Variants in NOTCH2 observed in about 807,000 individuals in gnomAD.
NOTCH2 encodes the protein notch receptor 2.
In NOTCH2, 29 loss-of-function variants were observed where a neutral mutation model predicts 235.8. The observed-to-expected ratio is 0.12, with a 90% confidence interval of 0.09 to 0.17. The LOEUF is 0.17. NOTCH2 is among the 10% of genes least tolerant of loss of function. NOTCH2 has a pLI of 1.00. For missense variants in NOTCH2, 2,285 were observed against 3,150.2 expected (o/e 0.73, Z 6.57); for synonymous variants, 1,086 against 1,141.5 (o/e 0.95, Z 0.98).
Position 119,969,537 on chromosome 1 carries a change from G to A in NOTCH2, c.1082C>T (p.Ser361Phe), listed in dbSNP as rs1553200129. The stretch of plus-strand genomic sequence containing the variant: ...TGCCTTCCCCTCTGGGCACATGCAA[G>A]AGAAGGAGGCCACACGGTCGATGCA... ...STCIDRVASFSCMCPEGKAGL... is the reference protein window; with the variant it reads ...STCIDRVASFFCMCPEGKAGL... The change falls in exon 6 of 34, where the codon TCT becomes TTT. Residue 361 changes from serine to phenylalanine, a missense_variant. This residue lies in a region of NOTCH2 where 431 missense variants were observed against 757.8 expected (regional missense o/e 0.57). Transcript: ENST00000256646. The A allele has an allele frequency of 3.7e-6, 6 of 1,613,960 alleles. No homozygotes were observed. The highest frequency in any genetic ancestry group is 5.1e-6 in the Non-Finnish European group (6 of 1,179,952).
At chr1:120,066,016 G>C (rs1553217019) in intron 1 of NOTCH2, among the ~76,000 whole-genome samples, 1 of 151,120 alleles carries the variant, frequency 6.6e-6, no homozygotes, top group Admixed American at 6.6e-5. Context: ...TGACATTTAA[G>C]GAAAAAGAGA....
chr1:119,967,398 C>T, intron 8 of NOTCH2, 35 bp downstream of exon 8: 1 of 1,592,578 alleles, frequency 6.3e-7, no homozygotes, highest in Non-Finnish European at 8.6e-7. Flanking sequence ...ACAGTCCCTC[C>T]TCTCTAGACC....
At chr1:120,011,871 C>T (rs1653205781) in intron 2 of NOTCH2, among the ~76,000 whole-genome samples, 1 of 150,762 alleles carries the variant, frequency 6.6e-6, no homozygotes, top group Non-Finnish European at 1.5e-5. Context: ...AAAAAATTAG[C>T]CAGGCGTGGT....
chr1:119,934,602 C>T (rs1264076467), intron 22 of NOTCH2, among the ~76,000 whole-genome samples: 1 of 152,162 alleles, frequency 6.6e-6, no homozygotes, highest in Non-Finnish European at 1.5e-5. Context: ...CTAGGGTACT[C>T]TCCTATTTTA....
chr1:119,919,655 AG>A, intron 30 of NOTCH2, 42 bp from the exon 31 acceptor site: 1 of 1,591,172 alleles, frequency 6.3e-7, no homozygotes, highest in Non-Finnish European at 8.6e-7. Flanking sequence ...AAGAAGGAGA[AG>A]GTAGTTAACC....
At chr1:119,955,302 C>G (rs1020954075) in intron 12 of NOTCH2, 70 bp from the exon 13 acceptor site, 12 of 1,499,986 alleles carry the variant, frequency 8.0e-6, no homozygotes, top group Non-Finnish European at 1.1e-5. Flanking sequence ...CTATAAGACA[C>G]GTTATGTTGA....
At chr1:119,979,496 A>G (rs1651728197) in intron 5 of NOTCH2, among the ~76,000 whole-genome samples, 1 of 152,232 alleles carries the variant, frequency 6.6e-6, no homozygotes, top group Admixed American at 6.5e-5. Context: ...CAACTTGTGT[A>G]TGAAGGCAAC....
rs587658508 is a variant in NOTCH2, at chr1:120,000,671, A to G, written c.416-3339T>C. The stretch of plus-strand genomic sequence containing the variant: ...TAATTATGAAGAAGGCATTACTGTC[A>G]TTTCCACTAGCCAGAATTAAAATAT... On this transcript the variant is annotated intron_variant, in intron 3 of 33. Transcript: ENST00000256646. Among the ~76,000 whole-genome samples, 12 of 149,480 alleles carry G rather than the reference A, an allele frequency of 8.0e-5. No homozygotes were observed. The East Asian group carries it at 2.3e-3, about 29-fold the overall frequency.
At chr1:119,959,986 A>G (rs1226109841) in intron 11 of NOTCH2, among the ~76,000 whole-genome samples, 1 of 152,214 alleles carries the variant, frequency 6.6e-6, no homozygotes, top group Non-Finnish European at 1.5e-5. Flanking sequence ...AAGTATACAT[A>G]AAGCATTTCT....
chr1:120,007,648 G>A (rs1200336692), intron 2 of NOTCH2, among the ~76,000 whole-genome samples: 1 of 151,848 alleles, frequency 6.6e-6, no homozygotes, highest in Non-Finnish European at 1.5e-5. Context: ...CAACGAGATT[G>A]TGCCACTACA....
chr1:119,961,014 G>A (rs1553198928), intron 11 of NOTCH2, among the ~76,000 whole-genome samples: 1 of 152,104 alleles, frequency 6.6e-6, no homozygotes, highest in Non-Finnish European at 1.5e-5. Context: ...AGTTTATTGA[G>A]TTCTATGAGC....
chr1:119,944,924 T>C (rs1460116161), intron 17 of NOTCH2, among the ~76,000 whole-genome samples: 2 of 152,120 alleles, frequency 1.3e-5, no homozygotes, highest in Non-Finnish European at 2.9e-5. Context: ...AACACAAATC[T>C]ACATAAAAGA....
chr1:119,955,075 G>A lies in NOTCH2; in HGVS notation c.2184C>T (p.Pro728=). The change falls in exon 13 of 34, where the codon CCC becomes CCT. Residue 728 remains proline (P), a synonymous_variant. Transcript: ENST00000256646. ...YSQVNECLSN[P]CIHGNCTGGL... Reference sequence around the variant, plus strand: ...CTCCAGTACAGTTTCCATGGATGCAGGGATTGCTCAGGCATTCGTTCACCT... The same window carrying A: ...CTCCAGTACAGTTTCCATGGATGCAAGGATTGCTCAGGCATTCGTTCACCT... The A allele has an allele frequency of 6.2e-7, 1 of 1,614,100 alleles. No individual in the cohort carries two copies. Among genetic ancestry groups the A allele is most frequent in the Non-Finnish European group, 8.5e-7 (1 of 1,179,996 alleles).
chr1:119,951,441 C>T (rs986075121), intron 14 of NOTCH2, among the ~76,000 whole-genome samples: 5 of 152,190 alleles, frequency 3.3e-5, no homozygotes, highest in African/African-American at 9.7e-5. Context: ...TGTGAGCCAT[C>T]GCACCCAGCC....
chr1:119,955,820 G>C (rs1650674810), intron 12 of NOTCH2, among the ~76,000 whole-genome samples: 1 of 152,078 alleles, frequency 6.6e-6, no homozygotes, highest in South Asian at 2.1e-4. Context: ...GTATAATTTT[G>C]TTGTCTTCTG....
chr1:119,979,284 T>C (rs924030613), intron 5 of NOTCH2, among the ~76,000 whole-genome samples: 2 of 152,226 alleles, frequency 1.3e-5, no homozygotes, highest in East Asian at 3.9e-4. Context: ...GAAGACCTAA[T>C]TGCAAAGATA....
intron 19 of NOTCH2, among the ~76,000 whole-genome samples, chr1:119,939,353 T>C (rs1226692647): frequency 2.0e-5 from 3 of 152,224 alleles, no homozygotes; most frequent in Non-Finnish European, 4.4e-5. Flanking sequence ...CTATTCCCAA[T>C]GCTCTAGACA....
At chr1:119,999,909 GAA>G (rs1652649384) in intron 3 of NOTCH2, among the ~76,000 whole-genome samples, 1 of 140,164 alleles carries the variant, frequency 7.1e-6, no homozygotes, top group Non-Finnish European at 1.5e-5. Flanking sequence ...GAGAAAGAGA[GAA>G]AGAGAGAGAA....
chr1:119,959,631 G>A, intron 11 of NOTCH2, 129 bp from the exon 12 acceptor site: 1 of 703,118 alleles, frequency 1.4e-6, no homozygotes, highest in Non-Finnish European at 2.6e-6. Flanking sequence ...GAATAAAGCA[G>A]AAGTTCTCAA....
Sources: gnomAD v4.1 joint callset for allele counts (sites outside exome capture counted in the v4.1 genomes callset) on GRCh38, gnomAD v4.1.1 for gene constraint, gnomAD v4.1.1 regional missense constraint, MANE v1.5 for transcripts, NCBI Gene and HGNC (gene_info 2026-07-23, HGNC 2026-07-21) for gene names.